Variants in VEGFA observed in about 807,000 individuals in gnomAD.
VEGFA encodes the protein vascular endothelial growth factor A.
VEGFA carries 20 observed loss-of-function variants against 49.7 expected under a neutral mutation model. The ratio of observed to expected loss-of-function variants is 0.40; its 90% CI spans 0.28 to 0.58. VEGFA has a LOEUF of 0.58. Ranked by LOEUF, VEGFA falls within the 20% of genes least tolerant of loss-of-function variation. The pLI is 0.40. For synonymous variants in VEGFA, 219 were observed against 223.4 expected, an observed-to-expected ratio of 0.98 and a Z score of 0.18; for missense variants, 505 against 553.5, an observed-to-expected ratio of 0.91 and a Z score of 0.88.
rs998690665 is a variant in VEGFA, at chr6:43,785,922, C to G, written c.*1360C>G. The G allele has an allele frequency of 1.7e-5, 3 of 180,132 alleles. No individual in the cohort carries two copies. The highest frequency in any genetic ancestry group is 7.1e-5 in the African/African-American group (3 of 42,086). 11.2% of individuals were successfully genotyped at this position (180,132 alleles called of 1,614,324 possible). A position where few individuals can be genotyped will look rare whatever the true frequency, so the allele number is the denominator to read the frequency against. ...GAGATGTATCTTTTGCTCTCTCTTG[C>G]TCTCTTATTTGTACCGGTTTTTGTA... On this transcript the variant is annotated 3_prime_UTR_variant, in exon 8 of 8. Transcript: ENST00000672860.
Position 43,770,822 on chromosome 6 carries a change from G to T in VEGFA, c.116G>T (p.Gly39Val). 1 of 1,514,828 alleles carries T rather than the reference G, an allele frequency of 6.6e-7. No individual in the cohort carries two copies. Among genetic ancestry groups the T allele is most frequent in the Non-Finnish European group, 8.8e-7 (1 of 1,133,508 alleles). The allele number at this position is 1,514,828 out of a possible 1,614,324, so 93.8% of individuals were successfully genotyped here. The change falls in exon 1 of 8, where the codon GGA (glycine) becomes GTA (valine). Residue 39 changes from glycine (G) to valine (V), a missense_variant. Transcript: ENST00000672860. Reference sequence around the variant, plus strand: ...GGGCAGGGGCCGGAGCCCGCGCCCGGAGGCGGGGTGGAGGGGGTCGGGGCT... The same window carrying T: ...GGGCAGGGGCCGGAGCCCGCGCCCGTAGGCGGGGTGGAGGGGGTCGGGGCT...
intron 2 of VEGFA, 102 bp downstream of exon 2, chr6:43,774,494 G>T: frequency 7.3e-7 from 1 of 1,364,826 alleles, no homozygotes; most frequent in South Asian, 1.2e-5. Flanking sequence ...AAGGGGAAGG[G>T]GCACAGGAAT....
intron 6 of VEGFA, chr6:43,781,741 G>A (rs900873742): frequency 1.3e-4 from 75 of 564,672 alleles, no homozygotes; most frequent in Non-Finnish European, 1.7e-4. Context: ...GTCTGTGCCC[G>A]CCTCTTCCTG....
In VEGFA at chr6:43,771,017, A is replaced by C; in HGVS notation, c.311A>C (p.Glu104Ala). The change falls in exon 1 of 8, where the codon GAG (glutamate) becomes GCG (alanine). Residue 104 changes from glutamate (E) to alanine (A), a missense_variant. Coordinates refer to ENST00000672860, the MANE Select transcript of VEGFA (RefSeq NM_003376.6). ...GAGGAGGAAGAAGAGAAGGAAGAGG[A>C]GAGGGGGCCGCAGTGGCGACTCGGC... 3.9e-6 allele frequency: 6 copies of C among 1,537,002 alleles called. No individual in the cohort carries two copies. Among genetic ancestry groups the C allele is most frequent in the Non-Finnish European group, 4.4e-6 (5 of 1,141,978 alleles).
rs1582464106 is a variant in VEGFA at position 43,771,377 on chromosome 6, C to A, written c.606+65C>A. On this transcript the variant is annotated intron_variant, in intron 1 of 7. Transcript: ENST00000672860. ...AGCGCCTCTCCCGGCTGGGGACGTG[C>A]GTGCGAGCGCGCGCGTGGGGGCTCC... 7.2e-6 allele frequency: 11 copies of A among 1,530,820 alleles called. No individual in the cohort carries two copies. In the East Asian group the frequency reaches 2.7e-4, roughly 37 times the overall value. 94.8% of individuals were successfully genotyped at this position (1,530,820 alleles called of 1,614,324 possible).
At chr6:43,776,616 G>T (rs997945718) in intron 2 of VEGFA, 1 of 152,542 alleles carries the variant, frequency 6.6e-6, no homozygotes, top group African/African-American at 2.4e-5. Context: ...CTTGGGCGGG[G>T]TTATCAGTGG....
In VEGFA at chr6:43,784,807, C is replaced by G; in HGVS notation, c.*245C>G. On this transcript the variant is annotated 3_prime_UTR_variant, in exon 8 of 8. Transcript: ENST00000672860. ...GGGCGGGTGACCCAGCACGGTCCCT[C>G]TTGGAATTGGATTCGCCATTTTATT... 1.5e-6 allele frequency: 1 copy of G among 665,926 alleles called. No homozygotes were observed. Among genetic ancestry groups the G allele is most frequent in the Middle Eastern group, 3.0e-4 (1 of 3,298 alleles). 41.3% of individuals were successfully genotyped at this position (665,926 alleles called of 1,614,324 possible).
In VEGFA at chr6:43,770,761, G is replaced by A; in HGVS notation, c.55G>A (p.Gly19Ser). The A allele has an allele frequency of 1.3e-6, 2 of 1,488,922 alleles. No homozygotes were observed. Among genetic ancestry groups the A allele is most frequent in the African/African-American group, 1.5e-5 (1 of 68,402 alleles). The allele number at this position is 1,488,922 out of a possible 1,614,324, so 92.2% of individuals were successfully genotyped here. Reference sequence around the variant, plus strand: ...CAGCCCCAGCTACCACCTCCTCCCCGGCCGGCGGCGGACAGTGGACGCGGC... The same window carrying A: ...CAGCCCCAGCTACCACCTCCTCCCCAGCCGGCGGCGGACAGTGGACGCGGC... The change falls in exon 1 of 8, where the codon GGC becomes AGC. Residue 19 changes from glycine (G) to serine (S), a missense_variant. Physicochemically the swap from Gly to Ser is moderately conservative, Grantham distance 56 (BLOSUM62 0). Transcript: ENST00000672860.
intron 1 of VEGFA, 64 bp from the exon 2 acceptor site, chr6:43,774,277 G>A: frequency 6.4e-7 from 1 of 1,568,768 alleles, no homozygotes; most frequent in Non-Finnish European, 8.8e-7. Context: ...GAGGGGCTGG[G>A]TGGCTGGGCC....
Position 43,770,504 on chromosome 6 carries a change from A to T in VEGFA, c.-203A>T. 1 of 1,216,132 alleles carries T rather than the reference A, an allele frequency of 8.2e-7. No homozygotes were observed. The highest frequency in any genetic ancestry group is 4.2e-5 in the Admixed American group (1 of 23,956). 75.3% of individuals were successfully genotyped at this position (1,216,132 alleles called of 1,614,324 possible). A position where few individuals can be genotyped will look rare whatever the true frequency, so the allele number is the denominator to read the frequency against. On this transcript the variant is annotated 5_prime_UTR_variant, in exon 1 of 8. Coordinates refer to ENST00000672860, the MANE Select transcript of VEGFA (RefSeq NM_003376.6). The stretch of plus-strand genomic sequence containing the variant: ...GCTCTACTTCCCCAAATCACTGTGG[A>T]TTTTGGAAACCAGCAGAAAGAGGAA...
chr6:43,778,149 A>C, intron 3 of VEGFA: 1 of 512,720 alleles, frequency 2.0e-6, no homozygotes. Flanking sequence ...GGTGAAGCCT[A>C]GAGAGGATGA....
chr6:43,778,666 C>T, intron 4 of VEGFA, 130 bp downstream of exon 4: 1 of 1,084,082 alleles, frequency 9.2e-7, no homozygotes, highest in South Asian at 1.3e-5. Context: ...CATTTTACTT[C>T]AATGTGCCTC....
In VEGFA at chr6:43,784,536, C is replaced by G; in HGVS notation, c.1167-5C>G. 1 of 1,614,182 alleles carries G rather than the reference C, an allele frequency of 6.2e-7. No individual in the cohort carries two copies. Among genetic ancestry groups the G allele is most frequent in the South Asian group, 1.1e-5 (1 of 91,074 alleles). On this transcript the variant is annotated splice_polypyrimidine_tract_variant and splice_region_variant and intron_variant, in intron 7 of 7. Coordinates refer to ENST00000672860, the MANE Select transcript of VEGFA (RefSeq NM_003376.6). ...ACCCCAGCCTTTGTTTTCCATTTCC[C>G]TCAGATGTGACAAGCCGAGGCGGTG...
chr6:43,772,630 A>T (rs1763998732), intron 1 of VEGFA, among the ~76,000 whole-genome samples: 1 of 152,184 alleles, frequency 6.6e-6, no homozygotes, highest in Non-Finnish European at 1.5e-5. Context: ...GCCCTGGAGC[A>T]GGTGTTTTTT....
chr6:43,770,345 G>A lies in VEGFA; in HGVS notation c.-362G>A, dbSNP rs1283631337. 1 of 300,946 alleles carries A rather than the reference G, an allele frequency of 3.3e-6. No individual in the cohort carries two copies. Among genetic ancestry groups the A allele is most frequent in the Non-Finnish European group, 6.1e-6 (1 of 164,850 alleles). 18.6% of individuals were successfully genotyped at this position (300,946 alleles called of 1,614,324 possible). On this transcript the variant is annotated 5_prime_UTR_variant, in exon 1 of 8. Coordinates refer to ENST00000672860, the MANE Select transcript of VEGFA (RefSeq NM_003376.6). ...GCCAGGGCGCTCGGTGCTGGAATTT[G>A]ATATTCATTGATCCGGGTTTTATCC...
intron 7 of VEGFA, 169 bp from the exon 8 acceptor site, chr6:43,784,372 T>G: frequency 1.4e-6 from 1 of 736,644 alleles, no homozygotes; most frequent in South Asian, 1.5e-5. Context: ...GGGGCTGTTC[T>G]CATACTGGGG....
intron 5 of VEGFA, 45 bp downstream of exon 5, chr6:43,778,963 T>G: frequency 6.2e-7 from 1 of 1,613,254 alleles, no homozygotes; most frequent in Non-Finnish European, 8.5e-7. Context: ...CATGGCCGGT[T>G]GTCTTGGTTT....
chr6:43,777,502 A>C lies in VEGFA; in HGVS notation c.692A>C (p.Tyr231Ser). The C allele has an allele frequency of 1.1e-5, 17 of 1,614,178 alleles. No homozygotes were observed. Among genetic ancestry groups the C allele is most frequent in the Non-Finnish European group, 1.4e-5 (16 of 1,180,032 alleles). The change falls in exon 3 of 8, where the codon TAC (tyrosine) becomes TCC (serine). Residue 231 changes from tyrosine (Y) to serine (S), a missense_variant. Tyr to Ser is a moderately radical substitution (Grantham distance 144, BLOSUM62 -2). This residue lies in a region of VEGFA where 165 missense variants were observed against 231.7 expected (regional missense o/e 0.71). Coordinates refer to ENST00000672860, the MANE Select transcript of VEGFA (RefSeq NM_003376.6). The surrounding 1 kb of genome is among the most constrained non-coding windows in gnomAD (Gnocchi z 4.3). The stretch of plus-strand genomic sequence containing the variant: ...TTCATGGATGTCTATCAGCGCAGCT[A>C]CTGCCATCCAATCGAGACCCTGGTG...
In VEGFA at chr6:43,782,072, A is replaced by G; in HGVS notation, c.1151A>G (p.Asn384Ser). 1 of 1,613,958 alleles carries G rather than the reference A, an allele frequency of 6.2e-7. No homozygotes were observed. The highest frequency in any genetic ancestry group is 8.5e-7 in the Non-Finnish European group (1 of 1,179,974). Residue 384 changes from asparagine (N) to serine (S), a missense_variant, in exon 7 of 8, where the codon AAC becomes AGC. Physicochemically the swap from Asn to Ser is conservative, Grantham distance 46 (BLOSUM62 1). Around this residue, in one of 2 missense-constraint regions of VEGFA, gnomAD observed 165 missense variants for 231.7 expected, o/e 0.71. Transcript: ENST00000672860. The stretch of plus-strand genomic sequence containing the variant: ...TGCAAGGCGAGGCAGCTTGAGTTAA[A>G]CGAACGTACTTGCAGGTTGGTTCCC...
Sources: allele counts gnomAD v4.1 joint callset (sites outside exome capture counted in the v4.1 genomes callset), GRCh38; gene constraint gnomAD v4.1.1; regional missense constraint gnomAD v4.1.1; non-coding constraint Gnocchi (gnomAD v3.1); transcripts MANE v1.5; gene names NCBI Gene and HGNC (gene_info 2026-07-23, HGNC 2026-07-21).